The following SLC22A12 variants were observed in gnomAD, a reference collection of about 807,000 sequenced individuals.
The protein encoded by SLC22A12 is organic anion transporter 4-like protein.
SLC22A12 carries 56 observed loss-of-function variants against 52.7 expected under a neutral mutation model. That is an observed-to-expected ratio of 1.06 (90% confidence interval 0.86 to 1.33). The LOEUF (loss-of-function observed/expected upper bound fraction) is 1.33. SLC22A12 is among the 40% of genes most tolerant of loss of function. The probability of loss-of-function intolerance (pLI) is 0.00; values close to 1 mark genes in which losing one functional copy is unlikely to be tolerated. For synonymous variants in SLC22A12, 337 were observed against 324.6 expected (o/e 1.04, Z -0.41); for missense variants, 683 against 741.5 (o/e 0.92, Z 0.92).
Position 64,601,592 on chromosome 11 carries a change from C to T in SLC22A12, c.*41C>T. On this transcript the variant is annotated 3_prime_UTR_variant, in exon 10 of 10. Coordinates refer to ENST00000377574, the MANE Select transcript of SLC22A12 (RefSeq NM_144585.4). ...GCGATGGGACGGTCAGAGGAAGAGA[C>T]TTCTTCTGTTCTCTGGAGAAGGCAG... The T allele has an allele frequency of 6.3e-7, 1 of 1,599,108 alleles. No individual in the cohort carries two copies. Among genetic ancestry groups the T allele is most frequent in the Non-Finnish European group, 8.6e-7 (1 of 1,167,184 alleles).
intron 4 of SLC22A12, among the ~76,000 whole-genome samples, chr11:64,597,363 T>C (rs2039280195): frequency 6.6e-6 from 1 of 151,974 alleles, no homozygotes. Flanking sequence ...CCCACTGACC[T>C]CCAGCCTTAC....
At chr11:64,601,387 G>A (rs2039449986) in intron 9 of SLC22A12, 101 bp from the exon 10 acceptor site, 3 of 1,220,486 alleles carry the variant, frequency 2.5e-6, no homozygotes, top group African/African-American at 1.5e-5. Context: ...GCCCCCGAGA[G>A]CAGGGTGGTG....
At position 64,601,670 on chromosome 11, in the gene SLC22A12, C is replaced by T. The variant is rs540019969; in HGVS notation, c.*119C>T. On this transcript the variant is annotated 3_prime_UTR_variant, in exon 10 of 10. Coordinates refer to ENST00000377574, the MANE Select transcript of SLC22A12 (RefSeq NM_144585.4). ...AGGCCCAGAGGCTGCCCTCTGAGGT[C>T]CCCACTCTCCCCCAGGGCTGCCCCT... 13 of 1,090,474 alleles carry T rather than the reference C, an allele frequency of 1.2e-5. No homozygotes were observed. The highest frequency in any genetic ancestry group is 2.2e-4 in the Middle Eastern group (1 of 4,528). 67.5% of individuals were successfully genotyped at this position (1,090,474 alleles called of 1,614,324 possible).
At chr11:64,598,692 G>A in intron 5 of SLC22A12, 53 bp downstream of exon 5, 1 of 1,599,712 alleles carries the variant, frequency 6.3e-7, no homozygotes. Flanking sequence ...CCCTGCCCCT[G>A]CATAGGGCAC....
In SLC22A12 at chr11:64,602,235, A is replaced by G. The variant is rs929558632; in HGVS notation, c.*684A>G. On this transcript the variant is annotated 3_prime_UTR_variant, in exon 10 of 10. Transcript: ENST00000377574. ...CTGCCTCCTCCCACCCTGCCAGCCT[A>G]TGAGTTCCCAGAGGGTTGGGGCAGT... 5.5e-4 allele frequency: 92 copies of G among 167,648 alleles called. No homozygotes were observed. The highest frequency in any genetic ancestry group is 2.0e-3 in the African/African-American group (84 of 41,742). The allele number at this position is 167,648 out of a possible 1,614,324, so 10.4% of individuals were successfully genotyped here.
intron 4 of SLC22A12, among the ~76,000 whole-genome samples, chr11:64,594,016 G>A (rs2039007364): frequency 1.3e-5 from 2 of 152,154 alleles, no homozygotes; most frequent in Non-Finnish European, 2.9e-5. Flanking sequence ...CGCCTCCCCT[G>A]CTCCTCTCAA....
intron 4 of SLC22A12, among the ~76,000 whole-genome samples, chr11:64,594,149 C>T (rs1228981455): frequency 1.3e-5 from 2 of 152,270 alleles, no homozygotes; most frequent in African/African-American, 4.8e-5. Context: ...TGAGCCCCTC[C>T]TCTGTGTGTG....
rs771015885 is a variant in SLC22A12 at position 64,592,892 on chromosome 11, C to G, written c.506+10C>G. On this transcript the variant is annotated intron_variant, in intron 2 of 9. Transcript: ENST00000377574. The stretch of plus-strand genomic sequence containing the variant: ...GCCCTGCCTCAGACAGGTGAGTACC[C>G]CCAGTCCAGGCAGGTCCCAGTTCCC... The G allele has an allele frequency of 2.0e-5, 32 of 1,611,264 alleles. No individual in the cohort carries two copies. Among genetic ancestry groups the G allele is most frequent in the Non-Finnish European group, 2.5e-5 (30 of 1,178,372 alleles).
rs1478848437 is a variant in SLC22A12, at chr11:64,598,774, C to T, written c.955-34C>T. ...AGAGAGGAGGAGGTGCCTGGCGCCC[C>T]CAGTGCCAACAGCACCCACCCCCGC... On this transcript the variant is annotated intron_variant, in intron 5 of 9. Transcript: ENST00000377574. The T allele has an allele frequency of 3.7e-6, 6 of 1,611,494 alleles. No homozygotes were observed. The African/African-American group carries it at 6.7e-5, about 18-fold the overall frequency.
intron 7 of SLC22A12, 70 bp downstream of exon 7, chr11:64,599,960 C>A: frequency 6.5e-7 from 1 of 1,536,542 alleles, no homozygotes; most frequent in Non-Finnish European, 8.8e-7. Context: ...AACAGCACCC[C>A]TCCTTGGAGG....
chr11:64,600,418 G>A lies in SLC22A12; in HGVS notation c.1337G>A (p.Gly446Glu). ...GCCGTGCTGGGGCTGGGCGGGGTGG[G>A]GGCTGCCTTCACCTGCATCACCATC... The part of the protein sequence containing the change: ...ALAVLGLGGV[G>E]AAFTCITIYS... Residue 446 changes from glycine to glutamate, a missense_variant, in exon 8 of 10, where the codon GGG (glycine) becomes GAG (glutamate). Coordinates refer to ENST00000377574, the MANE Select transcript of SLC22A12 (RefSeq NM_144585.4). 1 of 1,608,142 alleles carries A rather than the reference G, an allele frequency of 6.2e-7. No individual in the cohort carries two copies. The highest frequency in any genetic ancestry group is 2.2e-5 in the East Asian group (1 of 44,842).
intron 4 of SLC22A12, among the ~76,000 whole-genome samples, chr11:64,597,537 C>A (rs571399286): frequency 4.6e-5 from 7 of 152,334 alleles, no homozygotes; most frequent in African/African-American, 1.2e-4. Context: ...ATCCCCCCAC[C>A]AAGTCCACTG....
At chr11:64,594,094 C>T (rs1384047558) in intron 4 of SLC22A12, among the ~76,000 whole-genome samples, 2 of 152,252 alleles carry the variant, frequency 1.3e-5, no homozygotes, top group East Asian at 3.8e-4. Context: ...ATTCTCCTCT[C>T]CTGTCCCTGC....
chr11:64,600,024 G>A, intron 7 of SLC22A12, 134 bp downstream of exon 7: 1 of 1,105,600 alleles, frequency 9.0e-7, no homozygotes. Context: ...AGCCGTCTAG[G>A]GACAGACGGC....
At chr11:64,598,008 G>A (rs1260261558) in intron 4 of SLC22A12, among the ~76,000 whole-genome samples, 3 of 152,164 alleles carry the variant, frequency 2.0e-5, no homozygotes, top group African/African-American at 7.2e-5. Flanking sequence ...CGGGGTGGCT[G>A]TGAAGCTGTT....
Position 64,600,486 on chromosome 11 carries a change from G to A in SLC22A12, c.1394+11G>A. ...CCCCACTGTGCTCAGGTGAGGCTGG[G>A]CCTGGGCTCCAGGAGAGGGGAGCCC... On this transcript the variant is annotated intron_variant, in intron 8 of 9. Transcript: ENST00000377574. 1 of 1,589,198 alleles carries A rather than the reference G, an allele frequency of 6.3e-7. No homozygotes were observed. The highest frequency in any genetic ancestry group is 8.5e-7 in the Non-Finnish European group (1 of 1,171,852).
In SLC22A12 at chr11:64,593,448, G is replaced by A. The variant is rs1216609379; in HGVS notation, c.550G>A (p.Ala184Thr). 1 of 1,614,212 alleles carries A rather than the reference G, an allele frequency of 6.2e-7. No homozygotes were observed. The highest frequency in any genetic ancestry group is 8.5e-7 in the Non-Finnish European group (1 of 1,180,054). Residue 184 changes from alanine (A) to threonine (T), a missense_variant, in exon 3 of 10, where the codon GCT becomes ACT. Physicochemically the swap from Ala to Thr is moderately conservative, Grantham distance 58. Coordinates refer to ENST00000377574, the MANE Select transcript of SLC22A12 (RefSeq NM_144585.4). ...LVLTWSYLQM[A>T]VMGTAAAFAP... ...GCTAACCTGGAGCTACCTTCAGATG[G>A]CTGTGATGGGTACGGCAGCTGCCTT...
chr11:64,600,291 GC>G, intron 7 of SLC22A12, 75 bp from the exon 8 acceptor site: 4 of 1,156,778 alleles, frequency 3.5e-6, no homozygotes, highest in East Asian at 2.5e-5. Flanking sequence ...TCAGGGACAA[GC>G]CCCCTGGGCT....
Position 64,601,569 on chromosome 11 carries a change from G to C in SLC22A12, c.*18G>C. On this transcript the variant is annotated 3_prime_UTR_variant, in exon 10 of 10. Transcript: ENST00000377574. ...AGTTTTAGCCTCCTGGGGAACCTGC[G>C]ATGGGACGGTCAGAGGAAGAGACTT... 1 of 1,613,280 alleles carries C rather than the reference G, an allele frequency of 6.2e-7. No individual in the cohort carries two copies. The highest frequency in any genetic ancestry group is 8.5e-7 in the Non-Finnish European group (1 of 1,179,476).
Sources: allele counts gnomAD v4.1 joint callset (sites outside exome capture counted in the v4.1 genomes callset), GRCh38; gene constraint gnomAD v4.1.1; transcripts MANE v1.5; gene names NCBI Gene and HGNC (gene_info 2026-07-23, HGNC 2026-07-21).